RNF111: variants seen among roughly 807,000 people sequenced by gnomAD.
RNF111 encodes ring finger protein 111, also known as E3 ubiquitin-protein ligase Arkadia.
A neutral mutation model predicts 95.1 loss-of-function variants in RNF111; 17 were observed. That is an observed-to-expected ratio of 0.18 (90% CI 0.12 to 0.27). The LOEUF (loss-of-function observed/expected upper bound fraction) is 0.27, where lower values mean the gene tolerates loss of function less well. RNF111 is among the 10% of genes least tolerant of loss of function. RNF111 has a pLI of 1.00. For synonymous variants in RNF111, 440 were observed against 414.8 expected, an observed-to-expected ratio of 1.06 and a Z score of -0.74; for missense variants, 1,189 against 1,210.4, an observed-to-expected ratio of 0.98 and a Z score of 0.26.
intron 1 of RNF111, among the ~76,000 whole-genome samples, chr15:59,023,824 G>A (rs1272409846): frequency 1.6e-4 from 24 of 152,120 alleles, no homozygotes; most frequent in African/African-American, 5.8e-4. Context: ...AACAAACCAT[G>A]TCTGTGAGCT....
intron 8 of RNF111, 93 bp from the exon 9 acceptor site, chr15:59,084,036 G>C: frequency 2.7e-6 from 3 of 1,129,134 alleles, no homozygotes; most frequent in Non-Finnish European, 2.4e-6. Flanking sequence ...GATGTTTATA[G>C]TATTAATACT....
intron 6 of RNF111, 75 bp downstream of exon 6, chr15:59,067,158 C>T: frequency 1.7e-6 from 2 of 1,209,630 alleles, no homozygotes; most frequent in Admixed American, 3.9e-5. Context: ...CCTTTTCTCT[C>T]TCTTCCTCTT....
chr15:59,028,813 T>C (rs2040755116), intron 1 of RNF111, among the ~76,000 whole-genome samples: 1 of 151,028 alleles, frequency 6.6e-6, no homozygotes, highest in Non-Finnish European at 1.5e-5. Flanking sequence ...AGAGTCTTGC[T>C]CTGTTGCTCA....
chr15:59,083,165 A>C (rs759445446), intron 8 of RNF111, among the ~76,000 whole-genome samples: 1 of 152,122 alleles, frequency 6.6e-6, no homozygotes, highest in African/African-American at 2.4e-5. Context: ...GAAGCAAAAA[A>C]TGAATCCCTG....
intron 1 of RNF111, among the ~76,000 whole-genome samples, chr15:59,010,194 C>A (rs901739746): frequency 1.3e-5 from 2 of 151,944 alleles, no homozygotes; most frequent in Admixed American, 6.6e-5. Flanking sequence ...TATTTTTAGA[C>A]AAGTTTTGGG....
At chr15:59,092,491 T>G (rs1201804738) in intron 12 of RNF111, 46 bp from the exon 13 acceptor site, 1 of 1,571,146 alleles carries the variant, frequency 6.4e-7, no homozygotes, top group Non-Finnish European at 8.6e-7. Context: ...AGTTGTTCAA[T>G]AATGTCATCT....
At chr15:58,994,443 T>C (rs1261817639) in intron 1 of RNF111, among the ~76,000 whole-genome samples, 5 of 151,758 alleles carry the variant, frequency 3.3e-5, no homozygotes, top group African/African-American at 1.2e-4. Flanking sequence ...ATTTTTAATG[T>C]TGTCACTCTT....
chr15:59,021,303 A>G (rs2040329776), intron 1 of RNF111, among the ~76,000 whole-genome samples: 1 of 152,164 alleles, frequency 6.6e-6, no homozygotes, highest in South Asian at 2.1e-4. Flanking sequence ...GGTGGGTGCC[A>G]CCATGCCCGG....
intron 7 of RNF111, among the ~76,000 whole-genome samples, chr15:59,077,152 TTGTA>T (rs1297367892): frequency 1.3e-5 from 2 of 152,256 alleles, no homozygotes; most frequent in Admixed American, 6.5e-5. Flanking sequence ...GGCCAATTCT[TTGTA>T]TGAGCACCAG....
At chr15:59,031,847 C>A in intron 2 of RNF111, 145 bp downstream of exon 2, 1 of 716,618 alleles carries the variant, frequency 1.4e-6, no homozygotes, top group Non-Finnish European at 2.3e-6. Context: ...TTACCAATTG[C>A]AGTATTAAAC....
chr15:59,044,555 G>A (rs2041619732), intron 2 of RNF111, among the ~76,000 whole-genome samples: 1 of 151,922 alleles, frequency 6.6e-6, no homozygotes. Context: ...TTCTGGCCTG[G>A]TAGCCAGAGA....
intron 1 of RNF111, among the ~76,000 whole-genome samples, chr15:58,997,914 G>GT (rs1269128391): frequency 6.2e-4 from 93 of 150,146 alleles, no homozygotes; most frequent in African/African-American, 8.5e-4. Context: ...TTTGTTTTTT[G>GT]TTTTTTTTGA....
At chr15:59,053,392 T>C (rs2042073270) in intron 3 of RNF111, among the ~76,000 whole-genome samples, 1 of 152,222 alleles carries the variant, frequency 6.6e-6, no homozygotes, top group Non-Finnish European at 1.5e-5. Flanking sequence ...ATCTAACGGA[T>C]GAATCTTAAT....
At chr15:59,070,071 T>C (rs1425221716) in intron 6 of RNF111, among the ~76,000 whole-genome samples, 1 of 140,170 alleles carries the variant, frequency 7.1e-6, no homozygotes, top group African/African-American at 2.7e-5. Flanking sequence ...GAGAGGATCT[T>C]GCCTTGTTTC....
At chr15:59,091,525 T>C (rs2079052791) in intron 12 of RNF111, among the ~76,000 whole-genome samples, 1 of 152,234 alleles carries the variant, frequency 6.6e-6, no homozygotes, top group South Asian at 2.1e-4. Flanking sequence ...AGATCACCCT[T>C]ATTATTTTTA....
intron 2 of RNF111, among the ~76,000 whole-genome samples, chr15:59,037,624 G>A (rs2041242100): frequency 6.6e-6 from 1 of 152,142 alleles, no homozygotes; most frequent in Non-Finnish European, 1.5e-5. Flanking sequence ...ATCACCTGAG[G>A]TCTGGAGTTC....
intron 1 of RNF111, chr15:59,004,250 T>C (rs897446255): frequency 1.5e-5 from 6 of 408,966 alleles, no homozygotes; most frequent in African/African-American, 1.1e-4. Flanking sequence ...CTCCCAATTA[T>C]CTTTACTGAT....
At chr15:59,078,734 C>T (rs1171359952) in intron 7 of RNF111, among the ~76,000 whole-genome samples, 2 of 151,804 alleles carry the variant, frequency 1.3e-5, no homozygotes, top group Non-Finnish European at 2.9e-5. Context: ...TGGCAGGTGC[C>T]TGTAATCGCA....
At chr15:59,079,930 A>G (rs1474773999) in intron 7 of RNF111, among the ~76,000 whole-genome samples, 1 of 152,152 alleles carries the variant, frequency 6.6e-6, no homozygotes, top group Admixed American at 6.5e-5. Flanking sequence ...CAGAGCTTCC[A>G]TATATGCAAA....
Sources: gnomAD v4.1 joint callset for allele counts (sites outside exome capture counted in the v4.1 genomes callset) on GRCh38, gnomAD v4.1.1 for gene constraint, MANE v1.5 for transcripts, NCBI Gene and HGNC (gene_info 2026-07-23, HGNC 2026-07-21) for gene names.